Variants in SDK1 observed in about 807,000 individuals in gnomAD.
The protein encoded by SDK1 is protein sidekick-1.
A neutral mutation model predicts 245.5 loss-of-function variants in SDK1; 157 were observed. That is an observed-to-expected ratio of 0.64 (90% CI 0.56 to 0.73). The LOEUF is 0.73. Among genes scored for constraint, SDK1 ranks in the 30% least tolerant of loss-of-function variants. The pLI, the probability that SDK1 is intolerant of heterozygous loss-of-function variation, is 0.00. For synonymous variants in SDK1, 1,647 were observed against 1,278.5 expected, an observed-to-expected ratio of 1.29 and a Z score of -6.15; for missense variants, 3,583 against 3,002.3, an observed-to-expected ratio of 1.19 and a Z score of -4.52.
intron 31 of SDK1, among the ~76,000 whole-genome samples, chr7:4,160,484 G>A (rs974268885): frequency 6.6e-6 from 1 of 152,224 alleles, no homozygotes. Flanking sequence ...GGGATGTGCA[G>A]TTTCTCTTTG....
At chr7:3,768,116 G>T (rs902107108) in intron 4 of SDK1, among the ~76,000 whole-genome samples, 3 of 152,206 alleles carry the variant, frequency 2.0e-5, no homozygotes, top group Admixed American at 6.5e-5. Context: ...CTTAGGGATG[G>T]TCATTAACGT....
At chr7:4,224,929 G>C (rs1357932760) in intron 40 of SDK1, among the ~76,000 whole-genome samples, 1 of 135,128 alleles carries the variant, frequency 7.4e-6, no homozygotes, top group Non-Finnish European at 1.5e-5. Flanking sequence ...GTTGCAGTGA[G>C]CTGAGATGAC....
At chr7:3,554,118 C>T (rs1043375278) in intron 1 of SDK1, among the ~76,000 whole-genome samples, 11 of 152,164 alleles carry the variant, frequency 7.2e-5, no homozygotes, top group Admixed American at 4.6e-4. Context: ...ACTAAATTGA[C>T]GTTTCTGGAA....
intron 4 of SDK1, among the ~76,000 whole-genome samples, chr7:3,691,093 A>G (rs1488935721): frequency 6.6e-6 from 1 of 152,204 alleles, no homozygotes; most frequent in Non-Finnish European, 1.5e-5. Context: ...TTTTCTTATC[A>G]TTTGACAGGA....
At position 4,205,736 on chromosome 7, in the gene SDK1, C is replaced by A. The variant is rs1784178387; in HGVS notation, c.5099-143C>A. 19 of 694,162 alleles carry A rather than the reference C, an allele frequency of 2.7e-5. No individual in the cohort carries two copies. In the South Asian group the frequency reaches 3.4e-4, roughly 12 times the overall value. The allele number at this position is 694,162 out of a possible 1,614,324, so 43.0% of individuals were successfully genotyped here. ...ACATAACTGTCTAAGGCCTCCTAAG[C>A]CAGGGCGACGGCCCAGGGAAGAATC... On this transcript the variant is annotated intron_variant, in intron 35 of 44. Transcript: ENST00000404826.
intron 35 of SDK1, among the ~76,000 whole-genome samples, chr7:4,191,106 A>G (rs1336086595): frequency 6.6e-6 from 1 of 152,136 alleles, no homozygotes; most frequent in Non-Finnish European, 1.5e-5. Context: ...GGGAAAAATC[A>G]AGCTCACTCC....
chr7:3,857,069 A>C (rs1317552321), intron 5 of SDK1, among the ~76,000 whole-genome samples: 1 of 152,188 alleles, frequency 6.6e-6, no homozygotes, highest in Non-Finnish European at 1.5e-5. Flanking sequence ...ACTATGAAAA[A>C]ATCAACTCCT....
chr7:3,638,673 T>G (rs1431501996), intron 2 of SDK1, among the ~76,000 whole-genome samples: 1 of 147,106 alleles, frequency 6.8e-6, no homozygotes, highest in African/African-American at 2.5e-5. Context: ...TTAGGAGATA[T>G]ACCTAATGCT....
At chr7:3,968,365 G>T (rs1782237417) in intron 10 of SDK1, among the ~76,000 whole-genome samples, 1 of 152,156 alleles carries the variant, frequency 6.6e-6, no homozygotes, top group African/African-American at 2.4e-5. Flanking sequence ...GATTCACATG[G>T]ATGAGCTCCT....
At chr7:3,672,124 G>A (rs1783718478) in intron 4 of SDK1, among the ~76,000 whole-genome samples, 1 of 152,092 alleles carries the variant, frequency 6.6e-6, no homozygotes, top group East Asian at 1.9e-4. Context: ...TCTGAGGAGT[G>A]GCGGGTCATG....
chr7:3,794,837 C>A (rs1178308779), intron 4 of SDK1, among the ~76,000 whole-genome samples: 18 of 151,984 alleles, frequency 1.2e-4, no homozygotes, highest in Admixed American at 1.2e-3. Flanking sequence ...TTTCATTGGC[C>A]CTGAAGACAT....
intron 22 of SDK1, among the ~76,000 whole-genome samples, chr7:4,097,941 G>A (rs769477970): frequency 7.9e-5 from 12 of 151,910 alleles, no homozygotes; most frequent in East Asian, 1.9e-4. Context: ...TAAATTTGCC[G>A]AAACGGGCCT....
intron 5 of SDK1, among the ~76,000 whole-genome samples, chr7:3,872,112 T>A (rs965366783): frequency 2.6e-5 from 4 of 152,246 alleles, no homozygotes; most frequent in Admixed American, 1.3e-4. Context: ...TTGGTGAACT[T>A]ACCTTACAAT....
chr7:3,437,171 C>T (rs1285486117), intron 1 of SDK1, among the ~76,000 whole-genome samples: 2 of 152,122 alleles, frequency 1.3e-5, no homozygotes, highest in South Asian at 4.1e-4. Context: ...GTTCAGTACC[C>T]TTCAGGGGTG....
rs1344620580 is a variant in SDK1 at position 3,672,792 on chromosome 7, T to A, written c.713+30687T>A. On this transcript the variant is annotated intron_variant, in intron 4 of 44. Coordinates refer to ENST00000404826, the MANE Select transcript of SDK1 (RefSeq NM_152744.4). ...ATATATATATATATATATATATATATATAAAAAATACAGAAAGCTCTAAGT... is the reference window on the plus strand; with the variant it reads ...ATATATATATATATATATATATATAAATAAAAAATACAGAAAGCTCTAAGT... 1.4e-3 allele frequency among the ~76,000 whole-genome samples: 123 copies of A among 85,412 alleles called. 2 individuals carry two copies. The highest frequency in any genetic ancestry group is 4.2e-3 in the East Asian group (13 of 3,072). The allele number at this position is 85,412 out of a possible 152,430, so 56.0% of individuals were successfully genotyped here.
intron 1 of SDK1, among the ~76,000 whole-genome samples, chr7:3,608,036 C>T (rs1390886510): frequency 6.6e-6 from 1 of 152,204 alleles, no homozygotes; most frequent in African/African-American, 2.4e-5. Context: ...GATTTAAAAG[C>T]AGTCGTGAGA....
intron 1 of SDK1, among the ~76,000 whole-genome samples, chr7:3,618,677 A>G (rs1781842826): frequency 6.6e-6 from 1 of 152,202 alleles, no homozygotes; most frequent in South Asian, 2.1e-4. Context: ...CTTTTTTAAA[A>G]CCAATTGAAG....
rs753860394 is a variant in SDK1, at chr7:4,114,204, G to T, written c.3753G>T (p.Gln1251His). The change falls in exon 25 of 45, where the codon CAG becomes CAT. Residue 1251 changes from glutamine (Q) to histidine (H), a missense_variant. Coordinates refer to ENST00000404826, the MANE Select transcript of SDK1 (RefSeq NM_152744.4). ...AGGAGTGGATGGAATACGAGCTGCA[G>T]ATGCAGGCCTTCAACGCCGTCGGGG... ...ELEEWMEYEL[Q>H]MQAFNAVGAG... The T allele has an allele frequency of 1.9e-6, 3 of 1,613,952 alleles. No homozygotes were observed. The highest frequency in any genetic ancestry group is 2.5e-6 in the Non-Finnish European group (3 of 1,180,004).
chr7:3,706,766 G>C (rs1020256578), intron 4 of SDK1, among the ~76,000 whole-genome samples: 13 of 152,120 alleles, frequency 8.5e-5, no homozygotes, highest in African/African-American at 2.4e-4. Context: ...TAGAGTTTCT[G>C]TTTCTTCTTG....
Sources: allele counts gnomAD v4.1 joint callset (sites outside exome capture counted in the v4.1 genomes callset), GRCh38; gene constraint gnomAD v4.1.1; transcripts MANE v1.5; gene names NCBI Gene and HGNC (gene_info 2026-07-23, HGNC 2026-07-21).